Variants in VTCN1 observed in about 807,000 individuals in gnomAD.
VTCN1 encodes the protein V-set domain containing T cell activation inhibitor 1, also known as V-set domain-containing T-cell activation inhibitor 1.
In VTCN1, 26 loss-of-function variants were observed where a neutral mutation model predicts 26.5. The observed-to-expected ratio is 0.98, with a 90% CI of 0.72 to 1.36. The LOEUF is 1.36. VTCN1 is among the 40% of genes most tolerant of loss of function. VTCN1 has a pLI of 0.00. For missense variants in VTCN1, 298 were observed against 337.7 expected (o/e 0.88, Z 0.92); for synonymous variants, 116 against 130.7 (o/e 0.89, Z 0.77).
chr1:117,146,886 C>T lies in VTCN1; in HGVS notation c.*45+727G>A, dbSNP rs187985251. 1.4e-4 allele frequency among the ~76,000 whole-genome samples: 22 copies of T among 152,080 alleles called. No individual in the cohort carries two copies. Among genetic ancestry groups the T allele is most frequent in the Admixed American group, 1.1e-3 (17 of 15,276 alleles). ...GCAGGTACAGTGTTTCAAAACCAGTCGGGGTGTGAGATGATGAAGGCTGGA... is the reference window on the plus strand; with the variant it reads ...GCAGGTACAGTGTTTCAAAACCAGTTGGGGTGTGAGATGATGAAGGCTGGA... On this transcript the variant is annotated intron_variant, in intron 5 of 5. Transcript: ENST00000369458. The surrounding 1 kb of genome is among the most constrained non-coding windows in gnomAD (Gnocchi z 4.2).
At chr1:117,166,864 G>T (rs932210824) in intron 2 of VTCN1, among the ~76,000 whole-genome samples, 2 of 151,692 alleles carry the variant, frequency 1.3e-5, no homozygotes, top group Non-Finnish European at 2.9e-5. Flanking sequence ...GGTCGAGGTG[G>T]GTGGATCACT....
chr1:117,189,213 T>G (rs1000742985), intron 1 of VTCN1, among the ~76,000 whole-genome samples: 3 of 152,174 alleles, frequency 2.0e-5, no homozygotes, highest in African/African-American at 7.2e-5. Context: ...CTCTCTGAAG[T>G]TCACTTCCTC....
chr1:117,192,170 TA>T (rs1333285996), intron 1 of VTCN1, among the ~76,000 whole-genome samples: 3 of 152,036 alleles, frequency 2.0e-5, no homozygotes, highest in Admixed American at 6.5e-5. Context: ...TTGTCACATA[TA>T]AGGGAAACTT....
In VTCN1 at chr1:117,146,679, C is replaced by CAGCAGTAGTGGTAGGT. The variant is rs1651525790; in HGVS notation, c.*45+918_*45+933dup. Among the ~76,000 whole-genome samples the CAGCAGTAGTGGTAGGT allele has an allele frequency of 6.6e-6, 1 of 152,094 alleles. No individual in the cohort carries two copies. The highest frequency in any genetic ancestry group is 1.9e-4 in the East Asian group (1 of 5,194). On this transcript the variant is annotated intron_variant, in intron 5 of 5. Transcript: ENST00000369458. The surrounding 1 kb of genome is among the most constrained non-coding windows in gnomAD (Gnocchi z 4.2). ...ATGGTAGTTAGCAGGTAGTGGTAGG[C>CAGCAGTAGTGGTAGGT]AGCAGTAGTGGTAGGTAGTAATGGT...
chr1:117,201,983 A>G (rs1648812783), intron 1 of VTCN1, among the ~76,000 whole-genome samples: 1 of 152,210 alleles, frequency 6.6e-6, no homozygotes, highest in South Asian at 2.1e-4. Context: ...GCTTTCCACC[A>G]GGACCTGTCT....
rs1412295959 is a variant in VTCN1 at position 117,169,266 on chromosome 1, T to G, written c.97+841A>C. 6.6e-6 allele frequency among the ~76,000 whole-genome samples: 1 copy of G among 152,198 alleles called. No individual in the cohort carries two copies. The highest frequency in any genetic ancestry group is 6.5e-5 in the Admixed American group (1 of 15,282). ...GAAGAGGAAAGTGAAGAGACTCTTC[T>G]GCAACTGACATTGGCTAGATACGTT... On this transcript the variant is annotated intron_variant, in intron 2 of 5. Transcript: ENST00000369458. The surrounding 1 kb of genome is among the most constrained non-coding windows in gnomAD (Gnocchi z 4.0).
intron 1 of VTCN1, among the ~76,000 whole-genome samples, chr1:117,188,554 T>C (rs892123974): frequency 1.3e-5 from 2 of 152,232 alleles, no homozygotes; most frequent in Admixed American, 1.3e-4. Context: ...AAATTATTCC[T>C]TTGATTATAA....
intron 1 of VTCN1, among the ~76,000 whole-genome samples, chr1:117,209,483 T>C (rs4659225): frequency 0.88 from 134,513 of 152,192 alleles, 60,662 homozygotes; most frequent in Non-Finnish European, 0.97. Flanking sequence ...TTCACAGTCA[T>C]CTGGCCTTAA....
At chr1:117,178,588 G>GGTT (rs374277042) in intron 1 of VTCN1, among the ~76,000 whole-genome samples, 1 of 88,274 alleles carries the variant, frequency 1.1e-5, no homozygotes, top group Admixed American at 1.7e-4. Context: ...TCTTTCTTTC[G>GGTT]TTTTTTTTTT....
Position 117,184,538 on chromosome 1 carries a change from T to C in VTCN1, c.33-14367A>G, listed in dbSNP as rs186359117. Among the ~76,000 whole-genome samples, 8 of 152,352 alleles carry C rather than the reference T, an allele frequency of 5.3e-5. No individual in the cohort carries two copies. In the East Asian group the frequency reaches 1.5e-3, roughly 29 times the overall value. The stretch of plus-strand genomic sequence containing the variant: ...TTTTATAGTTCAGTGTTCTTTATAC[T>C]TTGAATTCTATGCTGGCTGGTAGGG... On this transcript the variant is annotated intron_variant, in intron 1 of 5. Transcript: ENST00000369458.
At chr1:117,177,832 G>C (rs1647440503) in intron 1 of VTCN1, among the ~76,000 whole-genome samples, 1 of 151,774 alleles carries the variant, frequency 6.6e-6, no homozygotes, top group African/African-American at 2.4e-5. Context: ...GACTGGTAGT[G>C]GTGGCTTAGA....
chr1:117,194,052 G>A (rs537687839), intron 1 of VTCN1, among the ~76,000 whole-genome samples: 12 of 152,092 alleles, frequency 7.9e-5, no homozygotes, highest in South Asian at 2.1e-4. Flanking sequence ...TCTGCACAGC[G>A]AAGAAAACAA....
chr1:117,157,480 AG>A (rs1652148009), intron 2 of VTCN1, among the ~76,000 whole-genome samples: 1 of 152,314 alleles, frequency 6.6e-6, no homozygotes, highest in East Asian at 1.9e-4. Context: ...ATGCAAAAGC[AG>A]AAACCCCTGA....
At chr1:117,197,672 G>C (rs1648584741) in intron 1 of VTCN1, among the ~76,000 whole-genome samples, 2 of 152,056 alleles carry the variant, frequency 1.3e-5, no homozygotes, top group African/African-American at 4.8e-5. Flanking sequence ...CCACCCTGTG[G>C]AGCATTATTT....
At chr1:117,189,083 C>A (rs373574702) in intron 1 of VTCN1, among the ~76,000 whole-genome samples, 2 of 152,152 alleles carry the variant, frequency 1.3e-5, no homozygotes, top group East Asian at 3.9e-4. Context: ...AGAAAAATAT[C>A]AAAGGCATTA....
At chr1:117,160,901 G>A (rs1652333257) in intron 2 of VTCN1, among the ~76,000 whole-genome samples, 1 of 152,154 alleles carries the variant, frequency 6.6e-6, no homozygotes, top group Non-Finnish European at 1.5e-5. Context: ...TAATCTAGAT[G>A]GATTTGCAGC....
chr1:117,178,748 G>A (rs1365292028), intron 1 of VTCN1, among the ~76,000 whole-genome samples: 6 of 151,626 alleles, frequency 4.0e-5, no homozygotes, highest in African/African-American at 9.7e-5. Flanking sequence ...CATGTGCCAC[G>A]ACGCTCAGCT....
intron 1 of VTCN1, among the ~76,000 whole-genome samples, chr1:117,198,841 C>A (rs10923221): frequency 0.9 from 137,507 of 152,232 alleles, 62,800 homozygotes; most frequent in Non-Finnish European, 0.97. Context: ...ATGAGAGAGG[C>A]AAGAGCATAG....
intron 4 of VTCN1, among the ~76,000 whole-genome samples, chr1:117,152,859 C>T (rs1651866907): frequency 6.6e-6 from 1 of 152,152 alleles, no homozygotes; most frequent in African/African-American, 2.4e-5. Flanking sequence ...AATGAGAAAG[C>T]ATACAAGATG....
Sources: gnomAD v4.1 joint callset for allele counts (sites outside exome capture counted in the v4.1 genomes callset) on GRCh38, gnomAD v4.1.1 for gene constraint, Gnocchi (gnomAD v3.1) non-coding constraint, MANE v1.5 for transcripts, NCBI Gene and HGNC (gene_info 2026-07-23, HGNC 2026-07-21) for gene names.